Variants in SLC35A1 observed in about 807,000 individuals in gnomAD.
SLC35A1 encodes CMP-sialic acid transporter.
A neutral mutation model predicts 40.3 loss-of-function variants in SLC35A1; 21 were observed. That is an observed-to-expected ratio of 0.52 (90% CI 0.37 to 0.75). The LOEUF (loss-of-function observed/expected upper bound fraction) is 0.75, where lower values mean the gene tolerates loss of function less well. SLC35A1 is among the 30% of genes least tolerant of loss of function. SLC35A1 has a pLI of 0.00. For missense variants in SLC35A1, 297 were observed against 382.1 expected (o/e 0.78, Z 1.86); for synonymous variants, 146 against 147.3 (o/e 0.99, Z 0.06).
At chr6:87,510,852 CA>C (rs1770240972) in intron 7 of SLC35A1, among the ~76,000 whole-genome samples, 1 of 146,782 alleles carries the variant, frequency 6.8e-6, no homozygotes, top group African/African-American at 2.5e-5. Flanking sequence ...GCCTGGGCAA[CA>C]AAAGCGAAAC....
intron 1 of SLC35A1, among the ~76,000 whole-genome samples, chr6:87,474,576 A>G (rs1769015067): frequency 6.6e-6 from 1 of 152,180 alleles, no homozygotes; most frequent in African/African-American, 2.4e-5. Context: ...TTACATATGG[A>G]CTTTTGCTGT....
chr6:87,505,706 CTTTTTATCAGA>C (rs928914757), intron 4 of SLC35A1, among the ~76,000 whole-genome samples: 1 of 152,172 alleles, frequency 6.6e-6, no homozygotes, highest in Non-Finnish European at 1.5e-5. Context: ...TGAACTCATC[CTTTTTATCAGA>C]AACCTGCTCC....
chr6:87,503,499 T>G (rs987841866), intron 4 of SLC35A1, among the ~76,000 whole-genome samples: 2 of 152,210 alleles, frequency 1.3e-5, no homozygotes, highest in South Asian at 2.1e-4. Flanking sequence ...GATCACCAGG[T>G]GAGGAGTTCG....
At chr6:87,496,208 G>GT in intron 2 of SLC35A1, 1 of 152,276 alleles carries the variant, frequency 6.6e-6, no homozygotes, top group South Asian at 2.1e-4. Context: ...AGGAAATTTA[G>GT]TGGGAGAGGC....
At chr6:87,508,157 CTTAAT>C (rs1453396467) in intron 5 of SLC35A1, among the ~76,000 whole-genome samples, 1 of 152,122 alleles carries the variant, frequency 6.6e-6, no homozygotes, top group African/African-American at 2.4e-5. Flanking sequence ...CAGAAACTGT[CTTAAT>C]TTAACAGCCT....
At chr6:87,478,872 A>G (rs1401532245) in intron 2 of SLC35A1, among the ~76,000 whole-genome samples, 4 of 152,196 alleles carry the variant, frequency 2.6e-5, no homozygotes, top group African/African-American at 7.2e-5. Flanking sequence ...GTGAGCGCAC[A>G]CCTGGACAAG....
chr6:87,504,776 G>A (rs1326000834), intron 4 of SLC35A1, among the ~76,000 whole-genome samples: 1 of 152,166 alleles, frequency 6.6e-6, no homozygotes, highest in African/African-American at 2.4e-5. Flanking sequence ...CAACTGGCAG[G>A]AAACTAAGTC....
Position 87,511,428 on chromosome 6 carries a change from G to C in SLC35A1, c.916G>C (p.Val306Leu). 1 of 1,611,490 alleles carries C rather than the reference G, an allele frequency of 6.2e-7. No individual in the cohort carries two copies. Among genetic ancestry groups the C allele is most frequent in the Non-Finnish European group, 8.5e-7 (1 of 1,179,096 alleles). ...TLTFALGTLL[V>L]CVSIYLYGLP... Reference sequence around the variant, plus strand: ...CACCTTTGCCCTGGGTACTCTTCTTGTATGTGTTTCCATATATCTCTATGG... The same window carrying C: ...CACCTTTGCCCTGGGTACTCTTCTTCTATGTGTTTCCATATATCTCTATGG... Residue 306 changes from valine (V) to leucine (L), a missense_variant, in exon 8 of 8, where the codon GTA (valine) becomes CTA (leucine). Val to Leu is a conservative substitution (Grantham distance 32). Coordinates refer to ENST00000369552, the MANE Select transcript of SLC35A1 (RefSeq NM_006416.5).
At chr6:87,493,323 T>C (rs1769614120) in intron 2 of SLC35A1, among the ~76,000 whole-genome samples, 1 of 152,244 alleles carries the variant, frequency 6.6e-6, no homozygotes, top group Non-Finnish European at 1.5e-5. Context: ...ATTCCTTTTT[T>C]TTCCAGAATG....
intron 2 of SLC35A1, chr6:87,496,188 G>A (rs2127972042): frequency 6.6e-6 from 1 of 152,204 alleles, no homozygotes; most frequent in African/African-American, 2.4e-5. Context: ...AATGGTTTCA[G>A]CTGGTTGATA....
rs1394021291 is a variant in SLC35A1, at chr6:87,507,824, T to C, written c.575-596T>C. 1.8e-5 allele frequency among the ~76,000 whole-genome samples: 2 copies of C among 110,916 alleles called. 1 individual carries two copies. Among genetic ancestry groups the C allele is most frequent in the Non-Finnish European group, 4.8e-5 (2 of 41,772 alleles). 72.8% of individuals were successfully genotyped at this position (110,916 alleles called of 152,430 possible). A position where few individuals can be genotyped will look rare whatever the true frequency, so the allele number is the denominator to read the frequency against. Reference sequence around the variant, plus strand: ...ACCTTCAACTCCAGAAAAATGCACATATACACAAAATTTATTATCCAGTTG... The same window carrying C: ...ACCTTCAACTCCAGAAAAATGCACACATACACAAAATTTATTATCCAGTTG... On this transcript the variant is annotated intron_variant, in intron 5 of 7. Transcript: ENST00000369552.
At chr6:87,501,108 A>T in intron 3 of SLC35A1, 50 bp from the exon 4 acceptor site, 1 of 1,434,292 alleles carries the variant, frequency 7.0e-7, no homozygotes, top group Non-Finnish European at 9.8e-7. Context: ...ATATATTTGT[A>T]TCAGAGACTA....
In SLC35A1 at chr6:87,477,388, T is replaced by C. The variant is rs200646384; in HGVS notation, c.43T>C (p.Tyr15His). 13 of 1,613,784 alleles carry C rather than the reference T, an allele frequency of 8.1e-6. No homozygotes were observed. The East Asian group carries it at 1.3e-4, about 17-fold the overall frequency. ...CAATGTCACTTTATTATTCAAGTTA[T>C]ACTGCTTGGCAGTGATGACCCTGAT... ...RDNVTLLFKL[Y>H]CLAVMTLMAA... Residue 15 changes from tyrosine (Y) to histidine (H), a missense_variant, in exon 2 of 8, where the codon TAC becomes CAC. Physicochemically the swap from Tyr to His is moderately conservative, Grantham distance 83. Transcript: ENST00000369552.
rs533030096 is a variant in SLC35A1, at chr6:87,505,456, A to C, written c.508-926A>C. 2.1e-3 allele frequency among the ~76,000 whole-genome samples: 313 copies of C among 152,354 alleles called. 1 individual carries two copies. Among genetic ancestry groups the C allele is most frequent in the Non-Finnish European group, 3.4e-3 (230 of 68,036 alleles). ...ACTATTTTGGTTATATATACTTGTC[A>C]ATTTTGCCTATACATAACAGAGCTG... is the stretch of plus-strand genomic sequence containing the variant. On this transcript the variant is annotated intron_variant, in intron 4 of 7. Coordinates refer to ENST00000369552, the MANE Select transcript of SLC35A1 (RefSeq NM_006416.5).
At chr6:87,480,181 G>A (rs963871789) in intron 2 of SLC35A1, among the ~76,000 whole-genome samples, 1 of 152,246 alleles carries the variant, frequency 6.6e-6, no homozygotes, top group African/African-American at 2.4e-5. Flanking sequence ...CGTGTCGTTA[G>A]AGACACGAGG....
At chr6:87,503,596 T>C (rs146321468) in intron 4 of SLC35A1, among the ~76,000 whole-genome samples, 4,125 of 152,026 alleles carry the variant, frequency 0.027, 174 homozygotes, top group African/African-American at 0.094. Context: ...CCTGTAATCC[T>C]AGCTACTCAG....
intron 2 of SLC35A1, among the ~76,000 whole-genome samples, chr6:87,479,387 C>T (rs538549066): frequency 2.0e-5 from 3 of 152,264 alleles, no homozygotes; most frequent in East Asian, 1.9e-4. Context: ...ACACAGCACC[C>T]GACAAGAATA....
Position 87,477,633 on chromosome 6 carries a change from G to A in SLC35A1, c.194+94G>A, listed in dbSNP as rs1582165234. On this transcript the variant is annotated intron_variant, in intron 2 of 7. Coordinates refer to ENST00000369552, the MANE Select transcript of SLC35A1 (RefSeq NM_006416.5). ...AAGCTACATCTTTATATGTTTAATTGCTCTGGGTCAGTGTTTCTCAACTAG... is the reference window on the plus strand; with the variant it reads ...AAGCTACATCTTTATATGTTTAATTACTCTGGGTCAGTGTTTCTCAACTAG... The A allele has an allele frequency of 1.4e-5, 15 of 1,094,446 alleles. No individual in the cohort carries two copies. In the East Asian group the frequency reaches 3.6e-4, roughly 27 times the overall value. 67.8% of individuals were successfully genotyped at this position (1,094,446 alleles called of 1,614,324 possible).
rs1582178676 is a variant in SLC35A1 at position 87,490,964 on chromosome 6, T to C, written c.195-9544T>C. On this transcript the variant is annotated intron_variant, in intron 2 of 7. Coordinates refer to ENST00000369552, the MANE Select transcript of SLC35A1 (RefSeq NM_006416.5). Reference sequence around the variant, plus strand: ...GCCTTCAGTTATTCAGAATTGTTGCTATTGAGAATGGCAGGCTGCCAGAGG... The same window carrying C: ...GCCTTCAGTTATTCAGAATTGTTGCCATTGAGAATGGCAGGCTGCCAGAGG... 3.9e-5 allele frequency among the ~76,000 whole-genome samples: 6 copies of C among 152,330 alleles called. No homozygotes were observed. In the Middle Eastern group the frequency reaches 0.014, roughly 345 times the overall value.
Sources: gnomAD v4.1 joint callset for allele counts (sites outside exome capture counted in the v4.1 genomes callset) on GRCh38, gnomAD v4.1.1 for gene constraint, MANE v1.5 for transcripts, NCBI Gene and HGNC (gene_info 2026-07-23, HGNC 2026-07-21) for gene names.